Variants in MROH7 observed in about 807,000 individuals in gnomAD.
MROH7 encodes the protein maestro heat-like repeat-containing protein family member 7.
Under a neutral mutation model 129.2 loss-of-function variants are expected in MROH7, and 113 were observed. The ratio of observed to expected loss-of-function variants is 0.87; its 90% CI spans 0.75 to 1.02. The LOEUF (loss-of-function observed/expected upper bound fraction) is 1.02, where lower values mean the gene tolerates loss of function less well. Among genes scored for constraint, MROH7 ranks in the 50% least tolerant of loss-of-function variants. The pLI, the probability that MROH7 is intolerant of heterozygous loss-of-function variation, is 0.00. For synonymous variants in MROH7, 655 were observed against 667.9 expected, an observed-to-expected ratio of 0.98 and a Z score of 0.30; for missense variants, 1,601 against 1,671.3, an observed-to-expected ratio of 0.96 and a Z score of 0.73.
intron 7 of MROH7, among the ~76,000 whole-genome samples, chr1:54,671,801 T>G (rs1644907665): frequency 6.6e-6 from 1 of 151,936 alleles, no homozygotes; most frequent in African/African-American, 2.4e-5. Flanking sequence ...GCCTTACAGG[T>G]GAGGTGAGTG....
chr1:54,679,165 T>G (rs969863809), intron 11 of MROH7, 98 bp from the exon 12 acceptor site: 3 of 1,216,356 alleles, frequency 2.5e-6, no homozygotes, highest in Non-Finnish European at 2.4e-6. Context: ...CCTCTGCATG[T>G]GGGCGTCAGG....
Position 54,654,045 on chromosome 1 carries a change from T to A in MROH7, c.1119T>A (p.Asn373Lys), listed in dbSNP as rs1028575265. The A allele has an allele frequency of 6.2e-7, 1 of 1,614,062 alleles. No homozygotes were observed. Among genetic ancestry groups the A allele is most frequent in the Non-Finnish European group, 8.5e-7 (1 of 1,180,034 alleles). Reference protein sequence around the residue: ...NSIHTVPLEENLESWSEMASI... With the variant: ...NSIHTVPLEEKLESWSEMASI... Reference sequence around the variant, plus strand: ...TCCACACTGTGCCCCTGGAGGAGAATCTGGAGAGTTGGAGTGAGATGGCCA... The same window carrying A: ...TCCACACTGTGCCCCTGGAGGAGAAACTGGAGAGTTGGAGTGAGATGGCCA... The change falls in exon 3 of 24, where the codon AAT becomes AAA. Residue 373 changes from asparagine to lysine, a missense_variant. Asn to Lys is a moderately conservative substitution (Grantham distance 94). Transcript: ENST00000421030.
intron 1 of MROH7, among the ~76,000 whole-genome samples, chr1:54,648,581 G>A (rs1303646562): frequency 1.3e-5 from 2 of 151,942 alleles, no homozygotes; most frequent in Admixed American, 6.6e-5. Context: ...GGCCAGGCTG[G>A]TCTCGAACTC....
chr1:54,642,147 T>A (rs1035227511), intron 1 of MROH7, among the ~76,000 whole-genome samples, 179 bp downstream of exon 1: 4 of 151,746 alleles, frequency 2.6e-5, no homozygotes, highest in African/African-American at 9.7e-5. Flanking sequence ...AACCATACTT[T>A]GTCTTTTTTC....
At chr1:54,671,154 G>A (rs1644895895) in intron 7 of MROH7, among the ~76,000 whole-genome samples, 1 of 152,184 alleles carries the variant, frequency 6.6e-6, no homozygotes, top group Non-Finnish European at 1.5e-5. Context: ...TTGGGAGGCT[G>A]AGCCGGGTGG....
At chr1:54,698,467 C>T (rs72907959) in intron 17 of MROH7, 2,578 of 153,088 alleles carry the variant, frequency 0.017, 64 homozygotes, top group African/African-American at 0.058. Flanking sequence ...TGGAGCCCCT[C>T]CTTTTCTGCC....
chr1:54,695,749 A>C (rs1038707984), intron 17 of MROH7: 2 of 511,442 alleles, frequency 3.9e-6, no homozygotes, highest in African/African-American at 1.9e-5. Context: ...TCTGTGTGTC[A>C]GGCACGAGAC....
chr1:54,675,869 C>T (rs1335124776), intron 10 of MROH7, among the ~76,000 whole-genome samples: 1 of 151,824 alleles, frequency 6.6e-6, no homozygotes, highest in Non-Finnish European at 1.5e-5. Flanking sequence ...CTTCTGGGCT[C>T]AAGTGATCCG....
chr1:54,670,074 GA>G (rs34229799), intron 5 of MROH7, among the ~76,000 whole-genome samples: 48,231 of 149,336 alleles, frequency 0.32, 8,058 homozygotes, highest in South Asian at 0.52. Context: ...TTAAAAAGAA[GA>G]AAAAAAAACA....
At chr1:54,652,672 AAGAAC>A (rs1314081829) in intron 2 of MROH7, among the ~76,000 whole-genome samples, 176 bp from the exon 3 acceptor site, 6 of 152,200 alleles carry the variant, frequency 3.9e-5, no homozygotes, top group Non-Finnish European at 7.3e-5. Context: ...GTTGTGGTCA[AAGAAC>A]AGAACTGAGA....
At position 54,653,487 on chromosome 1, in the gene MROH7, G is replaced by C; in HGVS notation, c.561G>C (p.Leu187=). Residue 187 remains leucine, a synonymous_variant, in exon 3 of 24, where the codon CTG becomes CTC. Coordinates refer to ENST00000421030, the MANE Select transcript of MROH7 (RefSeq NM_001039464.4). Reference sequence around the variant, plus strand: ...TAAGGCACCATTCCAGAGAAGGTCTGGTTCTGGGCCACTGCATCTCTAGGC... The same window carrying C: ...TAAGGCACCATTCCAGAGAAGGTCTCGTTCTGGGCCACTGCATCTCTAGGC... The part of the protein sequence containing the change: ...PFIRHHSREG[L]VLGHCISRPS... 1 of 1,614,182 alleles carries C rather than the reference G, an allele frequency of 6.2e-7. No individual in the cohort carries two copies. Among genetic ancestry groups the C allele is most frequent in the Non-Finnish European group, 8.5e-7 (1 of 1,180,034 alleles).
rs1645446472 is a variant in MROH7 at position 54,702,073 on chromosome 1, C to A, written c.3286-17C>A. 2 of 1,571,290 alleles carry A rather than the reference C, an allele frequency of 1.3e-6. No individual in the cohort carries two copies. Among genetic ancestry groups the A allele is most frequent in the South Asian group, 1.2e-5 (1 of 84,694 alleles). ...TCCCAGAGGAGGGACCCCCTCTGAGCCTTTGGTCTTCCCCAGGCACGAGAG... is the reference window on the plus strand; with the variant it reads ...TCCCAGAGGAGGGACCCCCTCTGAGACTTTGGTCTTCCCCAGGCACGAGAG... On this transcript the variant is annotated splice_polypyrimidine_tract_variant and intron_variant, in intron 19 of 23. Coordinates refer to ENST00000421030, the MANE Select transcript of MROH7 (RefSeq NM_001039464.4).
chr1:54,682,541 GC>G, intron 13 of MROH7, 114 bp from the exon 14 acceptor site: 2 of 968,978 alleles, frequency 2.1e-6, no homozygotes, highest in Non-Finnish European at 1.6e-6. Flanking sequence ...TTGCAGGTGT[GC>G]CCATGGATGC....
chr1:54,671,243 A>AG (rs1644898984), intron 7 of MROH7, among the ~76,000 whole-genome samples: 1 of 151,460 alleles, frequency 6.6e-6, no homozygotes, highest in Admixed American at 6.6e-5. Context: ...AAAAAAGAAA[A>AG]AAAAAACTTA....
chr1:54,648,889 C>G (rs76041242), intron 1 of MROH7, among the ~76,000 whole-genome samples: 178 of 152,234 alleles, frequency 1.2e-3, no homozygotes, highest in Middle Eastern at 3.4e-3. Flanking sequence ...TTGGGTGCAG[C>G]AAGTGAGAAA....
intron 3 of MROH7, among the ~76,000 whole-genome samples, chr1:54,660,539 T>C (rs1569878631): frequency 6.6e-6 from 1 of 152,140 alleles, no homozygotes; most frequent in Non-Finnish European, 1.5e-5. Flanking sequence ...TCAGGCCGGG[T>C]GCAGTGGCTC....
intron 21 of MROH7, among the ~76,000 whole-genome samples, chr1:54,705,522 T>C (rs1382098158): frequency 6.6e-6 from 1 of 152,218 alleles, no homozygotes; most frequent in Non-Finnish European, 1.5e-5. Context: ...GATGGAGCTC[T>C]GCCTAAGGGC....
At chr1:54,682,328 C>G (rs953122009) in intron 13 of MROH7, among the ~76,000 whole-genome samples, 2 of 151,942 alleles carry the variant, frequency 1.3e-5, no homozygotes, top group African/African-American at 4.8e-5. Flanking sequence ...CCATGCCCAG[C>G]TAATTTTTTT....
Position 54,673,134 on chromosome 1 carries a change from A to C in MROH7, c.1643A>C (p.Lys548Thr). The C allele has an allele frequency of 6.2e-7, 1 of 1,614,014 alleles. No individual in the cohort carries two copies. Among genetic ancestry groups the C allele is most frequent in the Non-Finnish European group, 8.5e-7 (1 of 1,179,950 alleles). Reference sequence around the variant, plus strand: ...CTGGAGGCCCTGCAGACACTGCTCAAAGCCCTCTTTATCGAGGACCCCACT... The same window carrying C: ...CTGGAGGCCCTGCAGACACTGCTCACAGCCCTCTTTATCGAGGACCCCACT... ...QTLEALQTLLKALFIEDPTPA... is the reference protein window; with the variant it reads ...QTLEALQTLLTALFIEDPTPA... The change falls in exon 8 of 24, where the codon AAA becomes ACA. Residue 548 changes from lysine (K) to threonine (T), a missense_variant. Coordinates refer to ENST00000421030, the MANE Select transcript of MROH7 (RefSeq NM_001039464.4).
Sources: gnomAD v4.1 joint callset for allele counts (sites outside exome capture counted in the v4.1 genomes callset) on GRCh38, gnomAD v4.1.1 for gene constraint, MANE v1.5 for transcripts, NCBI Gene and HGNC (gene_info 2026-07-23, HGNC 2026-07-21) for gene names.